RPL35A: variants seen among roughly 807,000 people sequenced by gnomAD.
RPL35A encodes ribosomal protein L35a.
RPL35A carries 1 observed loss-of-function variant against 16.7 expected under a neutral mutation model. That is an observed-to-expected ratio of 0.06 (90% CI 0.02 to 0.28). The LOEUF is 0.28. RPL35A is among the 10% of genes least tolerant of loss of function. The pLI is 1.00. For missense variants in RPL35A, 91 were observed against 138.7 expected, an observed-to-expected ratio of 0.66 and a Z score of 1.73; for synonymous variants, 58 against 47.0, an observed-to-expected ratio of 1.23 and a Z score of -0.96.
Position 197,950,733 on chromosome 3 carries a change from T to C in RPL35A, c.-32-203T>C, listed in dbSNP as rs912772632. On this transcript the variant is annotated intron_variant, in intron 1 of 4. Transcript: ENST00000647248. The stretch of plus-strand genomic sequence containing the variant: ...CTTAGTTTTGTCTTCATTCTGAAGT[T>C]TGCTTAGATACCAGCTGTTCTCTGA... 6.7e-6 allele frequency: 4 copies of C among 596,804 alleles called. No homozygotes were observed. In the Admixed American group the frequency reaches 1.2e-4, roughly 18 times the overall value. 37.0% of individuals were successfully genotyped at this position (596,804 alleles called of 1,614,324 possible).
chr3:197,954,444 C>A (rs1177969465), intron 4 of RPL35A: 3 of 431,362 alleles, frequency 7.0e-6, no homozygotes, highest in African/African-American at 6.1e-5. Flanking sequence ...AGCAATCCTT[C>A]CACCTCAGCC....
chr3:197,950,237 G>T lies in RPL35A; in HGVS notation c.-33+16G>T. On this transcript the variant is annotated intron_variant, in intron 1 of 4. Transcript: ENST00000647248. ...TCCTGTGGAGGTGAGTGAAGGGTCT[G>T]CTGCTGAAATTTGGGGGCAAATAAC... 1 of 1,230,908 alleles carries T rather than the reference G, an allele frequency of 8.1e-7. No individual in the cohort carries two copies. The allele number at this position is 1,230,908 out of a possible 1,614,324, so 76.2% of individuals were successfully genotyped here.
intron 3 of RPL35A, chr3:197,952,542 T>G (rs996065330): frequency 2.0e-5 from 3 of 152,252 alleles, no homozygotes; most frequent in Non-Finnish European, 4.4e-5. Context: ...TTATCCAGGC[T>G]AAAGTGCAAT....
At chr3:197,951,408 C>A in intron 3 of RPL35A, 97 bp downstream of exon 3, 2 of 1,348,934 alleles carry the variant, frequency 1.5e-6, no homozygotes, top group Non-Finnish European at 2.1e-6. Context: ...GGCTGGAATG[C>A]AGTGACTTGG....
At chr3:197,950,743 A>G in intron 1 of RPL35A, 193 bp from the exon 2 acceptor site, 1 of 605,434 alleles carries the variant, frequency 1.7e-6, no homozygotes, top group Non-Finnish European at 2.9e-6. Context: ...TTGCTTAGAT[A>G]CCAGCTGTTC....
At chr3:197,954,220 G>C in intron 4 of RPL35A, 73 bp downstream of exon 4, 2 of 1,522,474 alleles carry the variant, frequency 1.3e-6, no homozygotes, top group South Asian at 1.1e-5. Context: ...TTTGACTTCT[G>C]AGGACTTCTG....
In RPL35A at chr3:197,955,908, G is replaced by A; in HGVS notation, c.*135G>A. On this transcript the variant is annotated 3_prime_UTR_variant, in exon 5 of 5. Coordinates refer to ENST00000647248, the MANE Select transcript of RPL35A (RefSeq NM_000996.4). The stretch of plus-strand genomic sequence containing the variant: ...TTGCTCAGCATTTTTGGAGTACAAG[G>A]GGGTCAGAGAGACATGTGATGAAAA... The A allele has an allele frequency of 1.3e-6, 1 of 759,904 alleles. No individual in the cohort carries two copies. The highest frequency in any genetic ancestry group is 1.4e-5 in the South Asian group (1 of 70,076). 47.1% of individuals were successfully genotyped at this position (759,904 alleles called of 1,614,324 possible). A position where few individuals can be genotyped will look rare whatever the true frequency, so the allele number is the denominator to read the frequency against.
chr3:197,955,622 TA>T, intron 4 of RPL35A, 127 bp from the exon 5 acceptor site: 2 of 856,074 alleles, frequency 2.3e-6, no homozygotes, highest in South Asian at 1.3e-5. Context: ...CTGAAGGCTA[TA>T]AAAACTTTCC....
chr3:197,955,676 C>G (rs550153301), intron 4 of RPL35A, 74 bp from the exon 5 acceptor site: 1 of 1,263,438 alleles, frequency 7.9e-7, no homozygotes, highest in East Asian at 2.3e-5. Context: ...AGAGATTTAT[C>G]CGTATTACGG....
intron 1 of RPL35A, 32 bp from the exon 2 acceptor site, chr3:197,950,904 G>A: frequency 1.2e-6 from 2 of 1,610,860 alleles, no homozygotes; most frequent in Non-Finnish European, 1.7e-6. Flanking sequence ...TGTGTGGCTT[G>A]GTTTTAAACT....
At chr3:197,950,707 C>T in intron 1 of RPL35A, 1 of 567,978 alleles carries the variant, frequency 1.8e-6, no homozygotes, top group Middle Eastern at 3.9e-4. Context: ...GACTCCTGTC[C>T]CTTAGTTTTG....
intron 4 of RPL35A, chr3:197,954,578 C>G (rs1298611965): frequency 1.9e-5 from 5 of 265,458 alleles, no homozygotes; most frequent in African/African-American, 1.1e-4. Flanking sequence ...GGCATGATCT[C>G]AGCTTGCTGC....
intron 3 of RPL35A, chr3:197,953,434 C>T: frequency 2.2e-6 from 1 of 456,734 alleles, no homozygotes; most frequent in South Asian, 1.5e-5. Context: ...ACAGTAGTTT[C>T]TCTCATTCAG....
chr3:197,954,201 G>A, intron 4 of RPL35A, 54 bp downstream of exon 4: 1 of 1,599,828 alleles, frequency 6.3e-7, no homozygotes, highest in Non-Finnish European at 8.6e-7. Context: ...TAGGTTCAAG[G>A]TGTTGTGCTT....
chr3:197,955,840 TACTACCTTA>T lies in RPL35A; in HGVS notation c.*69_*77del. 1 of 1,298,206 alleles carries T rather than the reference TACTACCTTA, an allele frequency of 7.7e-7. No individual in the cohort carries two copies. The allele number at this position is 1,298,206 out of a possible 1,614,324, so 80.4% of individuals were successfully genotyped here. ...GTATTTTTAAGTGGATTAAAAAACT[TACTACCTTA>T]AATTGATTTGCTACATGCTTAAAAT... On this transcript the variant is annotated 3_prime_UTR_variant, in exon 5 of 5. Transcript: ENST00000647248.
In RPL35A at chr3:197,952,051, T is replaced by C. The variant is rs1720139794; in HGVS notation, c.164+740T>C. Reference sequence around the variant, plus strand: ...GCAATAAAGGAGGTAATTCCTTATATTGTGATCCTTTTAAGGTTTCTAATT... The same window carrying C: ...GCAATAAAGGAGGTAATTCCTTATACTGTGATCCTTTTAAGGTTTCTAATT... On this transcript the variant is annotated intron_variant, in intron 3 of 4. Coordinates refer to ENST00000647248, the MANE Select transcript of RPL35A (RefSeq NM_000996.4). Among the ~76,000 whole-genome samples the C allele has an allele frequency of 2.0e-5, 3 of 152,296 alleles. No individual in the cohort carries two copies. In the South Asian group the frequency reaches 6.2e-4, roughly 32 times the overall value.
chr3:197,955,148 T>G (rs1720427182), intron 4 of RPL35A, among the ~76,000 whole-genome samples: 1 of 152,196 alleles, frequency 6.6e-6, no homozygotes, highest in Non-Finnish European at 1.5e-5. Context: ...CATGTATTCT[T>G]GGGGCCAGGG....
Position 197,950,232 on chromosome 3 carries a change from G to C in RPL35A, c.-33+11G>C, listed in dbSNP as rs930225600. On this transcript the variant is annotated intron_variant, in intron 1 of 4. Coordinates refer to ENST00000647248, the MANE Select transcript of RPL35A (RefSeq NM_000996.4). ...TTGGCTCCTGTGGAGGTGAGTGAAG[G>C]GTCTGCTGCTGAAATTTGGGGGCAA... 8.1e-7 allele frequency: 1 copy of C among 1,231,000 alleles called. No homozygotes were observed. Among genetic ancestry groups the C allele is most frequent in the Admixed American group, 4.2e-5 (1 of 23,698 alleles). 76.3% of individuals were successfully genotyped at this position (1,231,000 alleles called of 1,614,324 possible). A position where few individuals can be genotyped will look rare whatever the true frequency, so the allele number is the denominator to read the frequency against.
chr3:197,954,325 G>T, intron 4 of RPL35A, 178 bp downstream of exon 4: 1 of 704,920 alleles, frequency 1.4e-6, no homozygotes, highest in Non-Finnish European at 2.4e-6. Context: ...GTGTTTGGTT[G>T]TTTGTTTTTT....
Sources: allele counts gnomAD v4.1 joint callset (sites outside exome capture counted in the v4.1 genomes callset), GRCh38; gene constraint gnomAD v4.1.1; transcripts MANE v1.5; gene names NCBI Gene and HGNC (gene_info 2026-07-23, HGNC 2026-07-21).